The following NEBL variants were observed in gnomAD, a reference collection of about 807,000 sequenced individuals.
NEBL encodes nebulette.
NEBL carries 122 observed loss-of-function variants against 140.2 expected under a neutral mutation model. The ratio of observed to expected loss-of-function variants is 0.87; its 90% CI spans 0.75 to 1.01. The LOEUF (loss-of-function observed/expected upper bound fraction) is 1.01, where lower values mean the gene tolerates loss of function less well. Ranked by LOEUF, NEBL falls within the 50% of genes least tolerant of loss-of-function variation. The pLI is 0.00. For missense variants in NEBL, 1,365 were observed against 1,231.3 expected (o/e 1.11, Z -1.62); for synonymous variants, 436 against 398.9 (o/e 1.09, Z -1.11).
intron 2 of NEBL, among the ~76,000 whole-genome samples, chr10:21,021,634 A>G (rs1306543709): frequency 6.6e-6 from 1 of 152,128 alleles, no homozygotes; most frequent in African/African-American, 2.4e-5. Context: ...CACTTTCTCC[A>G]GGAAGCTCTC....
intron 9 of NEBL, among the ~76,000 whole-genome samples, chr10:20,855,858 T>A (rs549837362): frequency 1.3e-5 from 2 of 152,202 alleles, no homozygotes; most frequent in African/African-American, 4.8e-5. Context: ...ATAGCTACTG[T>A]GACAAATGGA....
chr10:20,880,285 G>A (rs972109373), intron 5 of NEBL, among the ~76,000 whole-genome samples: 5 of 152,124 alleles, frequency 3.3e-5, no homozygotes, highest in Admixed American at 6.5e-5. Context: ...ACTTGAACCC[G>A]GCAGGCAGAG....
At chr10:20,865,977 A>G (rs1844240523) in intron 7 of NEBL, among the ~76,000 whole-genome samples, 1 of 152,118 alleles carries the variant, frequency 6.6e-6, no homozygotes, top group South Asian at 2.1e-4. Flanking sequence ...ACCATTTGTG[A>G]GCCAGACTTT....
intron 3 of NEBL, among the ~76,000 whole-genome samples, chr10:20,967,789 C>T (rs777440309): frequency 9.2e-5 from 14 of 152,086 alleles, no homozygotes; most frequent in Non-Finnish European, 1.8e-4. Flanking sequence ...CGAATTCACA[C>T]GTTATCTTTT....
chr10:21,255,216 T>C (rs552704786), intron 1 of NEBL, among the ~76,000 whole-genome samples: 1 of 152,126 alleles, frequency 6.6e-6, no homozygotes, highest in African/African-American at 2.4e-5. Flanking sequence ...GAGTGGCACA[T>C]ATGGGAATTA....
intron 10 of NEBL, among the ~76,000 whole-genome samples, chr10:20,851,863 A>G (rs767953029): frequency 1.3e-4 from 20 of 152,168 alleles, no homozygotes; most frequent in Non-Finnish European, 2.2e-4. Context: ...CTTAAAGGGG[A>G]ACTGTTTCGT....
At chr10:21,061,559 T>TATAAAA (rs1435841247) in intron 2 of NEBL, among the ~76,000 whole-genome samples, 2 of 148,744 alleles carry the variant, frequency 1.3e-5, no homozygotes, top group Non-Finnish European at 3.0e-5. Context: ...CATATATAAA[T>TATAAAA]ATAAATATAA....
chr10:21,131,983 A>G (rs1375090675), intron 2 of NEBL, among the ~76,000 whole-genome samples: 1 of 152,094 alleles, frequency 6.6e-6, no homozygotes, highest in Non-Finnish European at 1.5e-5. Flanking sequence ...ATTTACATTG[A>G]CATGTAATCA....
rs537302220 is a variant in NEBL, at chr10:21,106,663, A to C, written c.164+65720T>G. ...CTTTTTGCTTAGGATTATCTTGGCT[A>C]TGTGGGCTCTTTTTTGGTTCCATAT... On this transcript the variant is annotated intron_variant, in intron 2 of 6. Transcript: ENST00000417816. 6.5e-3 allele frequency among the ~76,000 whole-genome samples: 990 copies of C among 152,206 alleles called. 5 individuals are homozygous for C. The highest frequency in any genetic ancestry group is 0.017 in the African/African-American group (686 of 41,540).
chr10:21,219,668 G>A (rs984576268), intron 3 of NEBL, among the ~76,000 whole-genome samples: 4 of 152,034 alleles, frequency 2.6e-5, no homozygotes, highest in African/African-American at 7.2e-5. Flanking sequence ...TCTATAGATC[G>A]ATTTGAGTAG....
chr10:21,232,129 T>G (rs554951140), intron 3 of NEBL, among the ~76,000 whole-genome samples: 7 of 151,134 alleles, frequency 4.6e-5, no homozygotes, highest in African/African-American at 1.5e-4. Context: ...AGGGTTGTTG[T>G]TTTTTTTTCT....
intron 7 of NEBL, among the ~76,000 whole-genome samples, chr10:20,860,119 C>G (rs1843525603): frequency 6.6e-6 from 1 of 152,030 alleles, no homozygotes; most frequent in African/African-American, 2.4e-5. Flanking sequence ...TTCTGCATTT[C>G]TATAATCTAT....
chr10:20,961,880 A>C, intron 3 of NEBL: 1 of 866,056 alleles, frequency 1.2e-6, no homozygotes, highest in South Asian at 1.4e-5. Context: ...CAATGGCTAA[A>C]AACACAGATC....
chr10:20,926,773 G>A (rs1833935202), intron 4 of NEBL, among the ~76,000 whole-genome samples: 1 of 152,184 alleles, frequency 6.6e-6, no homozygotes, highest in African/African-American at 2.4e-5. Context: ...TGCTGAATAA[G>A]CTTTGCTAAC....
At chr10:20,885,118 C>G (rs1424335252) in intron 4 of NEBL, among the ~76,000 whole-genome samples, 1 of 152,094 alleles carries the variant, frequency 6.6e-6, no homozygotes, top group Non-Finnish European at 1.5e-5. Context: ...TCATTAGAAC[C>G]CAGAATGTCA....
At chr10:20,794,874 C>A (rs1392106412) in intron 26 of NEBL, among the ~76,000 whole-genome samples, 1 of 152,136 alleles carries the variant, frequency 6.6e-6, no homozygotes, top group African/African-American at 2.4e-5. Context: ...TCCAGCCCTG[C>A]GCTTAGGATG....
intron 2 of NEBL, among the ~76,000 whole-genome samples, chr10:21,048,329 C>T (rs1453006346): frequency 2.6e-5 from 4 of 151,878 alleles, no homozygotes; most frequent in East Asian, 1.9e-4. Context: ...TGGGGAAACA[C>T]GGCTGGAAAA....
chr10:21,104,130 T>A (rs546298203), intron 2 of NEBL, among the ~76,000 whole-genome samples: 1 of 152,322 alleles, frequency 6.6e-6, no homozygotes, highest in South Asian at 2.1e-4. Flanking sequence ...ATCTTCTACC[T>A]GTATGATATT....
chr10:21,075,338 G>A (rs1023282861), intron 2 of NEBL, among the ~76,000 whole-genome samples: 4 of 152,170 alleles, frequency 2.6e-5, no homozygotes, highest in Admixed American at 6.5e-5. Context: ...GACGGACTGA[G>A]AGGGTCACTT....
Sources: allele counts gnomAD v4.1 joint callset (sites outside exome capture counted in the v4.1 genomes callset), GRCh38; gene constraint gnomAD v4.1.1; transcripts MANE v1.5; gene names NCBI Gene and HGNC (gene_info 2026-07-23, HGNC 2026-07-21).